The following PCDHA2 variants were observed in gnomAD, a reference collection of about 807,000 sequenced individuals.
The protein encoded by PCDHA2 is protocadherin alpha 2, also known as protocadherin alpha-2.
In PCDHA2, 58 loss-of-function variants were observed where a neutral mutation model predicts 66.0. The ratio of observed to expected loss-of-function variants is 0.88; its 90% CI spans 0.71 to 1.09. The LOEUF is 1.09. Ranked by LOEUF, PCDHA2 falls within the 50% of genes least tolerant of loss-of-function variation. The pLI is 0.00. For synonymous variants in PCDHA2, 634 were observed against 554.0 expected, an observed-to-expected ratio of 1.14 and a Z score of -2.03; for missense variants, 1,267 against 1,242.3, an observed-to-expected ratio of 1.02 and a Z score of -0.30.
At chr5:140,986,946 G>A (rs544796668) in intron 3 of PCDHA2, among the ~76,000 whole-genome samples, 9 of 152,230 alleles carry the variant, frequency 5.9e-5, no homozygotes, top group South Asian at 2.1e-4. Context: ...GGGTGTGGTC[G>A]CTCATGCCTG....
chr5:140,813,309 C>CA (rs1421789078), intron 1 of PCDHA2: 1 of 152,146 alleles, frequency 6.6e-6, no homozygotes, highest in Non-Finnish European at 1.5e-5. Context: ...CATCACTGTG[C>CA]AAACATGAGA....
chr5:140,995,434 A>G (rs146744164), intron 3 of PCDHA2, among the ~76,000 whole-genome samples: 4 of 152,320 alleles, frequency 2.6e-5, no homozygotes, highest in African/African-American at 7.2e-5. Context: ...ACAGCTTGCA[A>G]TTTAAAACTT....
At chr5:140,927,993 A>G (rs782756882) in intron 1 of PCDHA2, 66 of 1,614,068 alleles carry the variant, frequency 4.1e-5, no homozygotes, top group Non-Finnish European at 5.4e-5. Flanking sequence ...TAAAGGATGA[A>G]GACCTCGATT....
chr5:140,856,038 A>G (rs2043738417), intron 1 of PCDHA2: 2 of 1,568,894 alleles, frequency 1.3e-6, no homozygotes, highest in Non-Finnish European at 1.7e-6. Context: ...GTAAAACAAG[A>G]GAAGGATAAG....
intron 1 of PCDHA2, chr5:140,864,345 G>A (rs2048432897): frequency 6.6e-6 from 1 of 152,130 alleles, no homozygotes; most frequent in Non-Finnish European, 1.5e-5. Flanking sequence ...TTTAAAACAT[G>A]TTTAAATGTT....
At chr5:140,812,178 T>C (rs1354960271) in intron 1 of PCDHA2, 1 of 152,072 alleles carries the variant, frequency 6.6e-6, no homozygotes, top group Non-Finnish European at 1.5e-5. Context: ...AGGTTTGGAT[T>C]ACTGATTCAA....
chr5:140,822,224 G>C (rs2150114696), intron 1 of PCDHA2: 3 of 1,614,208 alleles, frequency 1.9e-6, no homozygotes, highest in East Asian at 4.5e-5. Context: ...CCAGATTCGC[G>C]GTTTCCGCTA....
At chr5:140,947,275 T>G (rs246050) in intron 1 of PCDHA2, among the ~76,000 whole-genome samples, 85,352 of 151,290 alleles carry the variant, frequency 0.56, 24,679 homozygotes, top group African/African-American at 0.69. Context: ...GAAAATACTT[T>G]TTCTTTTTAT....
At chr5:140,860,642 GAAGAT>G (rs144102428) in intron 1 of PCDHA2, 5 of 152,352 alleles carry the variant, frequency 3.3e-5, no homozygotes, top group African/African-American at 1.2e-4. Context: ...CAGGAACGAA[GAAGAT>G]AAGTGAAATA....
At chr5:140,959,548 A>G (rs1554224134) in intron 1 of PCDHA2, among the ~76,000 whole-genome samples, 2 of 152,194 alleles carry the variant, frequency 1.3e-5, no homozygotes, top group Non-Finnish European at 2.9e-5. Flanking sequence ...ATGCTGTATA[A>G]ATAGAATCAG....
Position 141,010,035 on chromosome 5 carries a change from G to A in PCDHA2, c.*98G>A. 7 of 1,582,518 alleles carry A rather than the reference G, an allele frequency of 4.4e-6. No individual in the cohort carries two copies. The South Asian group carries it at 7.1e-5, about 16-fold the overall frequency. ...CTGCTCCTTTTTCCTATCTACATGAGCCCTCTTAGAGACCTCAGAAATCTG... is the reference window on the plus strand; with the variant it reads ...CTGCTCCTTTTTCCTATCTACATGAACCCTCTTAGAGACCTCAGAAATCTG... On this transcript the variant is annotated 3_prime_UTR_variant, in exon 4 of 4. Coordinates refer to ENST00000526136, the MANE Select transcript of PCDHA2 (RefSeq NM_018905.3).
chr5:140,810,299 G>A (rs1447707331), intron 1 of PCDHA2: 1 of 152,000 alleles, frequency 6.6e-6, no homozygotes, highest in Non-Finnish European at 1.5e-5. Context: ...TAAATATATT[G>A]TACATTTCTT....
chr5:140,813,134 T>C (rs2126644012), intron 1 of PCDHA2: 6,324 of 152,306 alleles, frequency 0.042, 178 homozygotes, highest in Middle Eastern at 0.061. Flanking sequence ...TGGAATTTTC[T>C]GTATATGTCT....
At chr5:140,963,424 G>A (rs898407658) in intron 1 of PCDHA2, among the ~76,000 whole-genome samples, 7 of 152,194 alleles carry the variant, frequency 4.6e-5, no homozygotes, top group Non-Finnish European at 1.0e-4. Flanking sequence ...GCATGTTTAG[G>A]AACTAACTTC....
At chr5:140,830,665 G>A (rs1771194311) in intron 1 of PCDHA2, 1 of 389,586 alleles carries the variant, frequency 2.6e-6, no homozygotes, top group Non-Finnish European at 4.2e-6. Context: ...TAATTTAAGT[G>A]AAATTAGAAA....
At chr5:140,968,008 CT>C (rs782634586) in intron 1 of PCDHA2, 1 of 1,614,202 alleles carries the variant, frequency 6.2e-7, no homozygotes, top group Non-Finnish European at 8.5e-7. Context: ...GACTGAATGG[CT>C]TTGGAAACTC....
chr5:140,869,840 A>G (rs782569950), intron 1 of PCDHA2: 32 of 1,611,616 alleles, frequency 2.0e-5, no homozygotes, highest in Non-Finnish European at 2.6e-5. Context: ...GATAAATCAG[A>G]ATATAAGGTG....
chr5:140,796,933 C>T lies in PCDHA2; in HGVS notation c.1969C>T (p.Pro657Ser). ...LLVLVKDHGE[P>S]ALTATATVLV... ...CGTGCTGGTGAAGGACCACGGCGAA[C>T]CAGCGTTGACAGCCACGGCCACCGT... is the stretch of plus-strand genomic sequence containing the variant. The change falls in exon 1 of 4, where the codon CCA (proline) becomes TCA (serine). Residue 657 changes from proline (P) to serine (S), a missense_variant. Pro to Ser is a moderately conservative substitution (Grantham distance 74, BLOSUM62 -1). Coordinates refer to ENST00000526136, the MANE Select transcript of PCDHA2 (RefSeq NM_018905.3). The T allele has an allele frequency of 1.2e-6, 2 of 1,613,864 alleles. No individual in the cohort carries two copies. The highest frequency in any genetic ancestry group is 1.7e-5 in the Admixed American group (1 of 60,034).
chr5:140,845,456 CTGATATT>C (rs1779887189), intron 1 of PCDHA2, among the ~76,000 whole-genome samples: 2 of 149,562 alleles, frequency 1.3e-5, no homozygotes, highest in Admixed American at 1.3e-4. Context: ...CTTCAACTCT[CTGATATT>C]TGAATTTGGG....
Sources: gnomAD v4.1 joint callset for allele counts (sites outside exome capture counted in the v4.1 genomes callset) on GRCh38, gnomAD v4.1.1 for gene constraint, MANE v1.5 for transcripts, NCBI Gene and HGNC (gene_info 2026-07-23, HGNC 2026-07-21) for gene names.